RAD51B: variants seen among roughly 807,000 people sequenced by gnomAD.
The protein encoded by RAD51B is DNA repair protein RAD51 homolog 2.
Under a neutral mutation model 42.2 loss-of-function variants are expected in RAD51B, and 38 were observed. The ratio of observed to expected loss-of-function variants is 0.90; its 90% CI spans 0.70 to 1.18. The LOEUF is 1.18. Ranked by LOEUF, RAD51B falls within the 50% of genes most tolerant of loss-of-function variation. The pLI, the probability that RAD51B is intolerant of heterozygous loss-of-function variation, is 0.00. For missense variants in RAD51B, 373 were observed against 400.7 expected, an observed-to-expected ratio of 0.93 and a Z score of 0.59; for synonymous variants, 154 against 145.2, an observed-to-expected ratio of 1.06 and a Z score of -0.43.
At chr14:68,432,000 C>T (rs1267876360) in intron 9 of RAD51B, among the ~76,000 whole-genome samples, 10 of 152,272 alleles carry the variant, frequency 6.6e-5, no homozygotes, top group South Asian at 2.1e-4. Flanking sequence ...GCCTTCATTT[C>T]GTTATGTACC....
intron 5 of RAD51B, among the ~76,000 whole-genome samples, chr14:67,879,198 T>C (rs972348072): frequency 6.6e-6 from 1 of 152,232 alleles, no homozygotes; most frequent in Non-Finnish European, 1.5e-5. Context: ...CTGTAGTCCA[T>C]AGGTGGAATT....
intron 10 of RAD51B, chr14:68,562,715 C>T (rs1304572652): frequency 1.0e-6 from 1 of 985,242 alleles, no homozygotes; most frequent in Non-Finnish European, 1.2e-6. Flanking sequence ...CCATTTGTTT[C>T]CCCACAGCTA....
intron 7 of RAD51B, among the ~76,000 whole-genome samples, chr14:67,994,008 C>T (rs571281026): frequency 6.6e-6 from 1 of 152,042 alleles, no homozygotes; most frequent in African/African-American, 2.4e-5. Flanking sequence ...ATTAGGTATC[C>T]ATAAAAATAT....
At chr14:68,062,960 T>G (rs1267615657) in intron 7 of RAD51B, among the ~76,000 whole-genome samples, 1 of 152,306 alleles carries the variant, frequency 6.6e-6, no homozygotes, top group East Asian at 1.9e-4. Context: ...TTCTTTCTGG[T>G]TCAATCTTGG....
At chr14:68,541,593 T>A in intron 10 of RAD51B, 1 of 985,430 alleles carries the variant, frequency 1.0e-6, no homozygotes, top group African/African-American at 1.7e-5. Context: ...TGTTTTCTCA[T>A]CCCTGAAATT....
chr14:67,994,470 G>A (rs1351638302), intron 7 of RAD51B, among the ~76,000 whole-genome samples: 1 of 152,140 alleles, frequency 6.6e-6, no homozygotes, highest in Non-Finnish European at 1.5e-5. Context: ...CATATTAAGA[G>A]TGTACCCTTT....
At chr14:68,101,385 T>C (rs565879598) in intron 7 of RAD51B, among the ~76,000 whole-genome samples, 28 of 152,272 alleles carry the variant, frequency 1.8e-4, no homozygotes, top group South Asian at 8.3e-4. Flanking sequence ...CGAGACAAAG[T>C]AAGTCCCTTC....
At chr14:68,594,463 C>CT (rs747695531) in intron 10 of RAD51B, 18 of 1,362,046 alleles carry the variant, frequency 1.3e-5, no homozygotes, top group East Asian at 1.2e-4. Flanking sequence ...CTTTGACTTC[C>CT]TTTTTTTTCT....
intron 10 of RAD51B, among the ~76,000 whole-genome samples, chr14:68,606,559 A>T (rs1379277827): frequency 6.6e-6 from 1 of 152,144 alleles, no homozygotes; most frequent in Admixed American, 6.5e-5. Flanking sequence ...GGCTCTGGAA[A>T]GGTATGCCAT....
At chr14:67,903,982 A>G (rs1258160605) in intron 7 of RAD51B, among the ~76,000 whole-genome samples, 1 of 151,324 alleles carries the variant, frequency 6.6e-6, no homozygotes, top group Non-Finnish European at 1.5e-5. Flanking sequence ...TTGAGCTTCT[A>G]CTTACAAGTG....
chr14:68,360,067 C>G (rs2082992175), intron 8 of RAD51B, among the ~76,000 whole-genome samples: 2 of 152,212 alleles, frequency 1.3e-5, no homozygotes, highest in South Asian at 4.1e-4. Context: ...GAAGAATCTC[C>G]TAAAACTATG....
At chr14:68,006,307 A>G (rs555233473) in intron 7 of RAD51B, among the ~76,000 whole-genome samples, 45 of 152,190 alleles carry the variant, frequency 3.0e-4, no homozygotes, top group Admixed American at 5.9e-4. Context: ...CTCTATGGGT[A>G]TATTTTTATT....
intron 7 of RAD51B, among the ~76,000 whole-genome samples, chr14:67,949,094 G>A (rs1156530804): frequency 6.6e-6 from 1 of 152,036 alleles, no homozygotes; most frequent in Admixed American, 6.6e-5. Flanking sequence ...GATCAGGGTC[G>A]TGGTTGCTAA....
chr14:68,162,802 A>AAAAC (rs559296665), intron 7 of RAD51B, among the ~76,000 whole-genome samples: 2,346 of 152,246 alleles, frequency 0.015, 65 homozygotes, highest in African/African-American at 0.051. Context: ...AAAACAAAAC[A>AAAAC]AAACAAACAA....
chr14:67,838,206 T>C (rs1235633570), intron 4 of RAD51B, among the ~76,000 whole-genome samples: 1 of 152,182 alleles, frequency 6.6e-6, no homozygotes, highest in African/African-American at 2.4e-5. Flanking sequence ...GACACTTAGG[T>C]TGATTCCATC....
intron 7 of RAD51B, among the ~76,000 whole-genome samples, chr14:68,001,647 G>C (rs758908815): frequency 4.6e-5 from 7 of 152,072 alleles, no homozygotes; most frequent in Non-Finnish European, 8.8e-5. Flanking sequence ...TCATTACCTA[G>C]GTATTAAGCC....
intron 10 of RAD51B, among the ~76,000 whole-genome samples, chr14:68,548,955 C>T (rs528510938): frequency 6.6e-6 from 1 of 152,334 alleles, no homozygotes; most frequent in Non-Finnish European, 1.5e-5. Context: ...CCTCCTCCCA[C>T]CCCTTTGTTG....
At chr14:68,392,999 G>A (rs1028240747) in intron 8 of RAD51B, among the ~76,000 whole-genome samples, 1 of 152,192 alleles carries the variant, frequency 6.6e-6, no homozygotes, top group African/African-American at 2.4e-5. Context: ...TGGCTTCAGC[G>A]AGTCACTTCT....
chr14:68,304,230 T>A (rs2081812184), intron 8 of RAD51B, among the ~76,000 whole-genome samples: 1 of 151,840 alleles, frequency 6.6e-6, no homozygotes, highest in Non-Finnish European at 1.5e-5. Context: ...TGCTAATGAT[T>A]GCAATAATAA....
Sources: gnomAD v4.1 joint callset for allele counts (sites outside exome capture counted in the v4.1 genomes callset) on GRCh38, gnomAD v4.1.1 for gene constraint, MANE v1.5 for transcripts, NCBI Gene and HGNC (gene_info 2026-07-23, HGNC 2026-07-21) for gene names.